Variants in PDE10A observed in about 807,000 individuals in gnomAD.
PDE10A encodes cAMP and cAMP-inhibited cGMP 3',5'-cyclic phosphodiesterase 10A.
A neutral mutation model predicts 97.7 loss-of-function variants in PDE10A; 39 were observed. The observed-to-expected ratio is 0.40, with a 90% confidence interval of 0.31 to 0.52. PDE10A has a LOEUF of 0.52. Ranked by LOEUF, PDE10A falls within the 20% of genes least tolerant of loss-of-function variation. The pLI, the probability that PDE10A is intolerant of heterozygous loss-of-function variation, is 0.56. For missense variants in PDE10A, 731 were observed against 1,047.8 expected (o/e 0.70, Z 4.17); for synonymous variants, 371 against 376.8 (o/e 0.98, Z 0.18).
intron 1 of PDE10A, among the ~76,000 whole-genome samples, chr6:165,884,923 G>A (rs916512998): frequency 2.0e-5 from 3 of 152,194 alleles, no homozygotes; most frequent in African/African-American, 4.8e-5. Context: ...GAGGGAAGAA[G>A]GGAGCAGTGG....
In PDE10A at chr6:165,628,322, C is replaced by T. The variant is rs531358413; in HGVS notation, c.865+33625G>A. On this transcript the variant is annotated intron_variant, in intron 1 of 21. Transcript: ENST00000539869. ...GCTTAGCACAGTGCCTAAAATAGAGCGAGCATGCACTAATGTGATAGTTCT... is the reference window on the plus strand; with the variant it reads ...GCTTAGCACAGTGCCTAAAATAGAGTGAGCATGCACTAATGTGATAGTTCT... Among the ~76,000 whole-genome samples the T allele has an allele frequency of 2.7e-4, 41 of 151,816 alleles. No homozygotes were observed. The South Asian group carries it at 6.3e-3, about 23-fold the overall frequency.
intron 1 of PDE10A, among the ~76,000 whole-genome samples, chr6:165,822,010 G>A (rs1779586273): frequency 6.6e-6 from 1 of 152,190 alleles, no homozygotes; most frequent in Non-Finnish European, 1.5e-5. Flanking sequence ...CTCAGAAAGG[G>A]CAACTTGAAG....
chr6:165,823,025 G>C (rs538404210), intron 1 of PDE10A, among the ~76,000 whole-genome samples: 1 of 151,690 alleles, frequency 6.6e-6, no homozygotes, highest in Non-Finnish European at 1.5e-5. Context: ...GTAGAGATGG[G>C]GTTTCACCGT....
intron 2 of PDE10A, among the ~76,000 whole-genome samples, chr6:165,488,029 CAAAAAAAAAAAA>C (rs58319021): frequency 4.8e-5 from 4 of 83,408 alleles, no homozygotes; most frequent in South Asian, 4.7e-4. Context: ...AACAAATTGG[CAAAAAAAAAAAA>C]AAAAAAAAAA....
chr6:165,532,811 G>A (rs1209469898), intron 2 of PDE10A, among the ~76,000 whole-genome samples: 1 of 152,140 alleles, frequency 6.6e-6, no homozygotes, highest in Non-Finnish European at 1.5e-5. Context: ...GCCTCTTCAT[G>A]ACTTCAAGTC....
At chr6:165,670,685 G>C (rs962558738) in intron 1 of PDE10A, among the ~76,000 whole-genome samples, 1 of 152,048 alleles carries the variant, frequency 6.6e-6, no homozygotes, top group Non-Finnish European at 1.5e-5. Context: ...CCTTTTTCTT[G>C]TTTCTGGAGT....
At chr6:165,978,251 A>G (rs1453942915) in intron 1 of PDE10A, among the ~76,000 whole-genome samples, 1 of 152,260 alleles carries the variant, frequency 6.6e-6, no homozygotes, top group African/African-American at 2.4e-5. Flanking sequence ...AATGAAAAAG[A>G]AAAATGTTGT....
At chr6:165,470,831 T>C (rs1778953232) in intron 3 of PDE10A, among the ~76,000 whole-genome samples, 1 of 152,126 alleles carries the variant, frequency 6.6e-6, no homozygotes, top group Non-Finnish European at 1.5e-5. Context: ...TCCCATTGCA[T>C]CAAACTTTCT....
At chr6:165,456,118 C>G (rs1777940253) in intron 3 of PDE10A, among the ~76,000 whole-genome samples, 1 of 152,198 alleles carries the variant, frequency 6.6e-6, no homozygotes, top group Non-Finnish European at 1.5e-5. Context: ...CATACCCTCT[C>G]TCTTCCTTAC....
intron 1 of PDE10A, among the ~76,000 whole-genome samples, chr6:165,860,524 T>G (rs1329095116): frequency 6.6e-6 from 1 of 152,120 alleles, no homozygotes; most frequent in Non-Finnish European, 1.5e-5. Flanking sequence ...AGGACCCTTG[T>G]TTACAGTGTG....
intron 1 of PDE10A, among the ~76,000 whole-genome samples, chr6:165,704,375 G>A (rs1437160798): frequency 6.6e-6 from 1 of 152,176 alleles, no homozygotes; most frequent in Non-Finnish European, 1.5e-5. Flanking sequence ...AACCCAGTAC[G>A]GTAGGATATA....
At chr6:165,548,276 C>CTTTTTTTT in intron 1 of PDE10A, among the ~76,000 whole-genome samples, 1 of 105,664 alleles carries the variant, frequency 9.5e-6, no homozygotes, top group Non-Finnish European at 1.9e-5. Flanking sequence ...CTTTAAATCT[C>CTTTTTTTT]TTTTTTTTTT....
At chr6:165,960,638 T>C (rs1488065302) in intron 1 of PDE10A, among the ~76,000 whole-genome samples, 1 of 152,198 alleles carries the variant, frequency 6.6e-6, no homozygotes, top group African/African-American at 2.4e-5. Flanking sequence ...TTTGTGAGGA[T>C]GTCAGCAGTT....
rs535097084 is a variant in PDE10A, at chr6:165,752,508, G to A, written c.-614-208940C>T. ...ATTTTGAGATAATTTGTTATGTTTGGGATAATTTGTTATATGTCATAACAT... is the reference window on the plus strand; with the variant it reads ...ATTTTGAGATAATTTGTTATGTTTGAGATAATTTGTTATATGTCATAACAT... On this transcript the variant is annotated intron_variant, in intron 1 of 19. Coordinates refer to the PDE10A transcript ENST00000366882. 1.5e-3 allele frequency among the ~76,000 whole-genome samples: 223 copies of A among 152,072 alleles called. 1 individual carries two copies. The highest frequency in any genetic ancestry group is 2.6e-3 in the Non-Finnish European group (175 of 68,000).
intron 1 of PDE10A, among the ~76,000 whole-genome samples, chr6:165,572,584 T>C (rs991213940): frequency 1.1e-4 from 17 of 152,254 alleles, no homozygotes; most frequent in Admixed American, 3.3e-4. Context: ...TTTGCTTCCT[T>C]GGTGACAAAA....
chr6:165,474,507 T>C (rs550313061), intron 3 of PDE10A, among the ~76,000 whole-genome samples: 1 of 152,282 alleles, frequency 6.6e-6, no homozygotes, highest in South Asian at 2.1e-4. Flanking sequence ...TAAAAACATT[T>C]TGAAGGAAAA....
At chr6:165,925,714 A>T (rs1477870841) in intron 1 of PDE10A, among the ~76,000 whole-genome samples, 2 of 152,216 alleles carry the variant, frequency 1.3e-5, no homozygotes, top group Non-Finnish European at 2.9e-5. Flanking sequence ...TTGTCAGAGG[A>T]TCATGATGGG....
chr6:165,348,965 G>A (rs959998462), intron 18 of PDE10A, among the ~76,000 whole-genome samples: 4 of 152,270 alleles, frequency 2.6e-5, no homozygotes, highest in African/African-American at 9.6e-5. Context: ...GAAGAACTGT[G>A]AGTCAATTAA....
intron 18 of PDE10A, among the ~76,000 whole-genome samples, chr6:165,373,812 C>G (rs1784427571): frequency 1.3e-5 from 2 of 151,668 alleles, no homozygotes; most frequent in Non-Finnish European, 2.9e-5. Flanking sequence ...TTCACTATAG[C>G]AAAGACTTGG....
Sources: gnomAD v4.1 joint callset for allele counts (sites outside exome capture counted in the v4.1 genomes callset) on GRCh38, gnomAD v4.1.1 for gene constraint, MANE v1.5 for transcripts, NCBI Gene and HGNC (gene_info 2026-07-23, HGNC 2026-07-21) for gene names.